FAM120B: variants seen among roughly 807,000 people sequenced by gnomAD.
FAM120B encodes family with sequence similarity 120 member B, also known as constitutive coactivator of peroxisome proliferator-activated receptor gamma.
A neutral mutation model predicts 96.3 loss-of-function variants in FAM120B; 83 were observed. That is an observed-to-expected ratio of 0.86 (90% CI 0.72 to 1.03). FAM120B has a LOEUF of 1.03. FAM120B is among the 50% of genes least tolerant of loss of function. FAM120B has a pLI of 0.00. For synonymous variants in FAM120B, 407 were observed against 402.7 expected (o/e 1.01, Z -0.13); for missense variants, 1,027 against 1,121.2 (o/e 0.92, Z 1.20).
At chr6:170,348,844 G>A (rs75897208) in intron 5 of FAM120B, among the ~76,000 whole-genome samples, 2,922 of 152,202 alleles carry the variant, frequency 0.019, 100 homozygotes, top group African/African-American at 0.067. Context: ...AATAATCTTA[G>A]TAGCTGCCTC....
chr6:170,324,120 C>T (rs1785453684), intron 3 of FAM120B, among the ~76,000 whole-genome samples: 1 of 152,180 alleles, frequency 6.6e-6, no homozygotes, highest in Admixed American at 6.5e-5. Flanking sequence ...TATTTCCAGA[C>T]ATGTCAATAT....
At chr6:170,347,485 C>T (rs971595231) in intron 4 of FAM120B, among the ~76,000 whole-genome samples, 2 of 152,180 alleles carry the variant, frequency 1.3e-5, no homozygotes, top group African/African-American at 4.8e-5. Context: ...ATAGTTTAAA[C>T]ATCTATATAA....
At chr6:170,357,441 G>C (rs1788025254) in intron 5 of FAM120B, among the ~76,000 whole-genome samples, 1 of 152,140 alleles carries the variant, frequency 6.6e-6, no homozygotes, top group African/African-American at 2.4e-5. Context: ...TGTTCAGTCT[G>C]TCCTTTGCTG....
intron 9 of FAM120B, among the ~76,000 whole-genome samples, chr6:170,399,187 G>A (rs1778389803): frequency 6.8e-6 from 1 of 147,074 alleles, no homozygotes; most frequent in Non-Finnish European, 1.5e-5. Context: ...GTAGAACTAT[G>A]TCATAACTCT....
At chr6:170,321,601 A>T (rs1258721911) in intron 2 of FAM120B, among the ~76,000 whole-genome samples, 5 of 151,378 alleles carry the variant, frequency 3.3e-5, no homozygotes, top group African/African-American at 4.9e-5. Context: ...CTGGCCTTGA[A>T]CTCCTGACCT....
chr6:170,297,621 G>A (rs76301666), intron 1 of FAM120B, among the ~76,000 whole-genome samples: 7 of 145,670 alleles, frequency 4.8e-5, no homozygotes, highest in Non-Finnish European at 9.1e-5. Context: ...ACCTGTTGCC[G>A]GCTGCACTGG....
At chr6:170,381,962 C>T (rs1217212272) in intron 6 of FAM120B, among the ~76,000 whole-genome samples, 1 of 152,170 alleles carries the variant, frequency 6.6e-6, no homozygotes, top group Non-Finnish European at 1.5e-5. Flanking sequence ...ACAGAGATGT[C>T]TGTCCTCACC....
intron 6 of FAM120B, among the ~76,000 whole-genome samples, chr6:170,376,352 A>C (rs992570670): frequency 4.6e-5 from 7 of 152,160 alleles, no homozygotes; most frequent in African/African-American, 1.7e-4. Flanking sequence ...TAAATAGATA[A>C]GAATGAGGTT....
At chr6:170,342,900 CTTTA>C (rs1786932486) in intron 4 of FAM120B, among the ~76,000 whole-genome samples, 1 of 152,208 alleles carries the variant, frequency 6.6e-6, no homozygotes, top group Non-Finnish European at 1.5e-5. Context: ...AAAGTCTTAT[CTTTA>C]TTCAAGACCT....
upstream of FAM120B, among the ~76,000 whole-genome samples, chr6:170,303,823 T>C (rs1381026728): frequency 6.6e-6 from 1 of 152,280 alleles, no homozygotes; most frequent in Non-Finnish European, 1.5e-5. Context: ...TTTTTGCATA[T>C]TGTTTTCACT....
At chr6:170,321,908 G>C (rs1044608065) in intron 2 of FAM120B, among the ~76,000 whole-genome samples, 1 of 152,176 alleles carries the variant, frequency 6.6e-6, no homozygotes, top group African/African-American at 2.4e-5. Flanking sequence ...ATATAAATGA[G>C]ACACTCTTAG....
chr6:170,406,754 A>C lies in FAM120B; in HGVS notation c.*2003A>C, dbSNP rs1166385182. On this transcript the variant is annotated 3_prime_UTR_variant, in exon 11 of 11. Coordinates refer to ENST00000476287, the MANE Select transcript of FAM120B (RefSeq NM_032448.3). ...CTCATTTGAAACCCCTGCTGCTTCT[A>C]GATCTATTTCTTTGCACTTGTATAA... 6.6e-6 allele frequency: 1 copy of C among 152,182 alleles called. No individual in the cohort carries two copies. The highest frequency in any genetic ancestry group is 1.5e-5 in the Non-Finnish European group (1 of 68,034). The allele number at this position is 152,182 out of a possible 1,614,324, so 9.4% of individuals were successfully genotyped here. A position where few individuals can be genotyped will look rare whatever the true frequency, so the allele number is the denominator to read the frequency against.
chr6:170,361,206 A>ATATATGTG (rs1263102261), intron 6 of FAM120B, among the ~76,000 whole-genome samples: 4 of 81,140 alleles, frequency 4.9e-5, no homozygotes, highest in African/African-American at 1.4e-4. Flanking sequence ...GTGTATATAT[A>ATATATGTG]TATATATATA....
At chr6:170,367,876 C>T (rs1788901252) in intron 6 of FAM120B, among the ~76,000 whole-genome samples, 1 of 152,164 alleles carries the variant, frequency 6.6e-6, no homozygotes, top group South Asian at 2.1e-4. Flanking sequence ...ACCTAATTCT[C>T]CTACACAAAG....
intron 8 of FAM120B, among the ~76,000 whole-genome samples, chr6:170,393,671 C>G (rs570267366): frequency 5.3e-5 from 8 of 152,344 alleles, no homozygotes; most frequent in Non-Finnish European, 5.9e-5. Context: ...TTCTATGGTT[C>G]AGTCCCTCAT....
intron 6 of FAM120B, among the ~76,000 whole-genome samples, chr6:170,384,707 G>A (rs945395601): frequency 1.4e-4 from 21 of 152,348 alleles, no homozygotes; most frequent in Admixed American, 5.9e-4. Context: ...GTGAGCACAG[G>A]GGTCCACAAA....
chr6:170,370,739 T>C lies in FAM120B; in HGVS notation c.2283+12421T>C, dbSNP rs534968171. On this transcript the variant is annotated intron_variant, in intron 6 of 10. Transcript: ENST00000476287. This position sits in a 1 kb window ranked among gnomAD's most constrained non-coding sequence, Gnocchi z 4.3. Reference sequence around the variant, plus strand: ...GCCTTCTAACACCTTTAAGGACTTGTTTTCCTTAACATTCTTTTAAACTTG... The same window carrying C: ...GCCTTCTAACACCTTTAAGGACTTGCTTTCCTTAACATTCTTTTAAACTTG... Among the ~76,000 whole-genome samples, 7 of 152,204 alleles carry C rather than the reference T, an allele frequency of 4.6e-5. No individual in the cohort carries two copies. Among genetic ancestry groups the C allele is most frequent in the Non-Finnish European group, 8.8e-5 (6 of 68,036 alleles).
At chr6:170,333,556 C>T (rs567885981) in intron 4 of FAM120B, among the ~76,000 whole-genome samples, 11 of 146,002 alleles carry the variant, frequency 7.5e-5, no homozygotes, top group Admixed American at 5.6e-4. Flanking sequence ...CTCACTCTGT[C>T]GCCCAGGCTG....
At chr6:170,349,134 C>G (rs1405508112) in intron 5 of FAM120B, among the ~76,000 whole-genome samples, 1 of 152,216 alleles carries the variant, frequency 6.6e-6, no homozygotes, top group Non-Finnish European at 1.5e-5. Flanking sequence ...CCCTCTTTCT[C>G]TGCTTTGCTC....
Sources: allele counts gnomAD v4.1 joint callset (sites outside exome capture counted in the v4.1 genomes callset), GRCh38; gene constraint gnomAD v4.1.1; non-coding constraint Gnocchi (gnomAD v3.1); transcripts MANE v1.5; gene names NCBI Gene and HGNC (gene_info 2026-07-23, HGNC 2026-07-21).